The following STAU1 variants were observed in gnomAD, a reference collection of about 807,000 sequenced individuals.
STAU1 encodes the protein double-stranded RNA-binding protein Staufen homolog 1.
In STAU1, 13 loss-of-function variants were observed where a neutral mutation model predicts 62.9. The observed-to-expected ratio is 0.21, with a 90% CI of 0.13 to 0.33. The LOEUF is 0.33. Among genes scored for constraint, STAU1 ranks in the 10% least tolerant of loss-of-function variants. STAU1 has a pLI of 1.00. For missense variants in STAU1, 571 were observed against 712.1 expected, an observed-to-expected ratio of 0.80 and a Z score of 2.25; for synonymous variants, 269 against 265.1, an observed-to-expected ratio of 1.01 and a Z score of -0.14.
the STAU1 span, among the ~76,000 whole-genome samples, chr20:49,202,736 AAAGAAG>A: frequency 6.6e-6 from 1 of 151,766 alleles, no homozygotes; most frequent in African/African-American, 2.4e-5. Flanking sequence ...AAAAGAAAAA[AAAGAAG>A]AAGAAGGAGA....
chr20:49,150,509 C>A (rs2093226456), intron 5 of STAU1, among the ~76,000 whole-genome samples: 1 of 152,036 alleles, frequency 6.6e-6, no homozygotes, highest in South Asian at 2.1e-4. Context: ...CTACAGGCGC[C>A]CACCACCACG....
intron 3 of STAU1, among the ~76,000 whole-genome samples, chr20:49,154,839 C>T (rs1454308787): frequency 1.3e-5 from 2 of 151,742 alleles, no homozygotes; most frequent in Non-Finnish European, 2.9e-5. Flanking sequence ...AATCCCAGCA[C>T]TTTGGAAGGC....
At chr20:49,197,110 G>A in the STAU1 span, among the ~76,000 whole-genome samples, 1 of 151,618 alleles carries the variant, frequency 6.6e-6, no homozygotes, top group East Asian at 2.0e-4. Flanking sequence ...AGCCGAGATC[G>A]CACCACTGCA....
chr20:49,148,419 C>T lies in STAU1; in HGVS notation c.510+3163G>A, dbSNP rs192520036. 1.7e-3 allele frequency among the ~76,000 whole-genome samples: 255 copies of T among 152,286 alleles called. 1 individual carries two copies. Among genetic ancestry groups the T allele is most frequent in the African/African-American group, 5.9e-3 (245 of 41,558 alleles). On this transcript the variant is annotated intron_variant, in intron 5 of 13. Transcript: ENST00000371856. ...GTCCCATTCCCAAGATATCCCATTACGTATGATGGAAATATTCCAAAATCA... is the reference window on the plus strand; with the variant it reads ...GTCCCATTCCCAAGATATCCCATTATGTATGATGGAAATATTCCAAAATCA...
chr20:49,165,375 C>T (rs2093510108), intron 3 of STAU1, among the ~76,000 whole-genome samples: 2 of 146,510 alleles, frequency 1.4e-5, no homozygotes, highest in Non-Finnish European at 3.0e-5. Flanking sequence ...GTGTCTCCCT[C>T]TTGCCCAGGC....
chr20:49,152,753 C>CA (rs982875040), intron 4 of STAU1, among the ~76,000 whole-genome samples: 2 of 152,138 alleles, frequency 1.3e-5, no homozygotes, highest in Admixed American at 6.6e-5. Context: ...GTTCAAAAGT[C>CA]AAAAAGTACC....
chr20:49,213,412 T>G, the STAU1 span, among the ~76,000 whole-genome samples: 1 of 152,048 alleles, frequency 6.6e-6, no homozygotes, highest in Non-Finnish European at 1.5e-5. Context: ...GTATTTTTAT[T>G]AGAGATGGGG....
At chr20:49,200,782 A>C in the STAU1 span, among the ~76,000 whole-genome samples, 2 of 151,902 alleles carry the variant, frequency 1.3e-5, no homozygotes, top group African/African-American at 4.8e-5. Context: ...GGCCCAGTGC[A>C]GTGGCACTTT....
chr20:49,215,324 C>G, the STAU1 span, among the ~76,000 whole-genome samples: 1 of 152,142 alleles, frequency 6.6e-6, no homozygotes, highest in African/African-American at 2.4e-5. Flanking sequence ...GCCTTTTATT[C>G]TTCATCTCAC....
At chr20:49,179,079 TA>T (rs3091668) in intron 1 of STAU1, 21,388 of 114,052 alleles carry the variant, frequency 0.19, 3,252 homozygotes, top group African/African-American at 0.46. Flanking sequence ...AGACTCCATC[TA>T]AAAAAAAAAA....
the STAU1 span, among the ~76,000 whole-genome samples, chr20:49,209,546 C>T: frequency 6.6e-6 from 1 of 151,800 alleles, no homozygotes; most frequent in South Asian, 2.1e-4. Context: ...GAGTTCAAGA[C>T]CAGCCTGACC....
At chr20:49,163,991 G>A (rs2093488742) in intron 3 of STAU1, among the ~76,000 whole-genome samples, 3 of 152,118 alleles carry the variant, frequency 2.0e-5, no homozygotes, top group East Asian at 1.9e-4. Flanking sequence ...CAGCAATTTG[G>A]GAGGCCAAGG....
chr20:49,182,676 A>G (rs958206417), intron 1 of STAU1, among the ~76,000 whole-genome samples: 1 of 152,108 alleles, frequency 6.6e-6, no homozygotes, highest in Non-Finnish European at 1.5e-5. Context: ...ATCTCTACTA[A>G]AAACACAAAA....
intron 3 of STAU1, among the ~76,000 whole-genome samples, chr20:49,160,610 C>G (rs3795077): frequency 0.11 from 16,135 of 151,968 alleles, 1,000 homozygotes; most frequent in Non-Finnish European, 0.13. Context: ...TTTTTCCTTT[C>G]CATGTTCTAA....
chr20:49,138,012 T>C (rs1378481161), intron 5 of STAU1, among the ~76,000 whole-genome samples: 2 of 152,088 alleles, frequency 1.3e-5, no homozygotes, highest in African/African-American at 2.4e-5. Flanking sequence ...TGGCTGGGCA[T>C]GGTGGCTAGC....
chr20:49,180,547 C>T (rs1198199230), intron 1 of STAU1, among the ~76,000 whole-genome samples: 1 of 152,216 alleles, frequency 6.6e-6, no homozygotes, highest in East Asian at 1.9e-4. Context: ...TGGTCTCGAA[C>T]TCCTGACCTC....
At chr20:49,211,318 T>C in the STAU1 span, among the ~76,000 whole-genome samples, 1 of 152,106 alleles carries the variant, frequency 6.6e-6, no homozygotes, top group Admixed American at 6.6e-5. Flanking sequence ...TTGCTTTCAC[T>C]TCTTTTGGGT....
At chr20:49,191,906 C>T (rs1297277542), upstream of STAU1, among the ~76,000 whole-genome samples, 1 of 151,006 alleles carries the variant, frequency 6.6e-6, no homozygotes, top group Non-Finnish European at 1.5e-5. Flanking sequence ...CAGAAATTAG[C>T]CAGCCGTGGT....
chr20:49,189,257 T>C (rs2093824886), upstream of STAU1, among the ~76,000 whole-genome samples: 3 of 138,306 alleles, frequency 2.2e-5, no homozygotes, highest in Non-Finnish European at 4.6e-5. Flanking sequence ...AAGTGCCAGA[T>C]TACTATTTAT....
Sources: gnomAD v4.1 joint callset for allele counts (sites outside exome capture counted in the v4.1 genomes callset) on GRCh38, gnomAD v4.1.1 for gene constraint, MANE v1.5 for transcripts, NCBI Gene and HGNC (gene_info 2026-07-23, HGNC 2026-07-21) for gene names.